UTP20: variants seen among roughly 807,000 people sequenced by gnomAD.
The protein encoded by UTP20 is small subunit processome component 20 homolog.
In UTP20, 164 loss-of-function variants were observed where a neutral mutation model predicts 329.5. The observed-to-expected ratio is 0.50, with a 90% confidence interval of 0.44 to 0.57. The LOEUF (loss-of-function observed/expected upper bound fraction) is 0.57. Ranked by LOEUF, UTP20 falls within the 20% of genes least tolerant of loss-of-function variation. UTP20 has a pLI of 0.00. For synonymous variants in UTP20, 1,151 were observed against 1,159.3 expected, an observed-to-expected ratio of 0.99 and a Z score of 0.14; for missense variants, 3,055 against 3,284.2, an observed-to-expected ratio of 0.93 and a Z score of 1.71.
At chr12:101,375,843 CT>C in intron 56 of UTP20, 87 bp downstream of exon 56, 1 of 803,110 alleles carries the variant, frequency 1.2e-6, no homozygotes, top group Non-Finnish European at 2.0e-6. Flanking sequence ...AATATGAATA[CT>C]TCAGAAAGTA....
chr12:101,338,704 AC>A, intron 30 of UTP20, 108 bp from the exon 31 acceptor site: 1 of 891,446 alleles, frequency 1.1e-6, no homozygotes, highest in Non-Finnish European at 1.6e-6. Flanking sequence ...TTGAAATTTA[AC>A]TTAAATGTTC....
chr12:101,356,555 C>A lies in UTP20; in HGVS notation c.5396C>A (p.Thr1799Asn). 2 of 1,608,866 alleles carry A rather than the reference C, an allele frequency of 1.2e-6. No homozygotes were observed. The highest frequency in any genetic ancestry group is 1.7e-6 in the Non-Finnish European group (2 of 1,177,814). Reference protein sequence around the residue: ...PRLHKCLASTTKREEEHKLVK... With the variant: ...PRLHKCLASTNKREEEHKLVK... ...GCTTAACCTAAATTTTTCTTACAGA[C>A]TAAAAGGGAAGAAGAACACAAGCTT... Residue 1799 changes from threonine (T) to asparagine (N), a missense_variant and splice_region_variant, in exon 42 of 62, where the codon ACT (threonine) becomes AAT (asparagine). Around this residue, in one of 3 missense-constraint regions of UTP20, gnomAD observed 2,445 missense variants for 2,575.5 expected, o/e 0.95. Coordinates refer to ENST00000261637, the MANE Select transcript of UTP20 (RefSeq NM_014503.3).
chr12:101,370,386 A>C (rs909156786), intron 49 of UTP20, 46 bp from the exon 50 acceptor site: 1 of 1,589,518 alleles, frequency 6.3e-7, no homozygotes, highest in Non-Finnish European at 8.6e-7. Flanking sequence ...ACTGGATCCC[A>C]ACTGTGGGAT....
intron 29 of UTP20, among the ~76,000 whole-genome samples, chr12:101,337,298 C>T (rs1868964607): frequency 6.6e-6 from 1 of 152,184 alleles, no homozygotes; most frequent in African/African-American, 2.4e-5. Context: ...TGTTAAAGAG[C>T]TCAAGCTCTT....
Position 101,373,713 on chromosome 12 carries a change from C to G in UTP20, c.7077C>G (p.Leu2359=), listed in dbSNP as rs776363069. The change falls in exon 54 of 62, where the codon CTC becomes CTG. Residue 2359 remains leucine, a synonymous_variant. Transcript: ENST00000261637. ...AGTCCCTACTTGGTAAAATCAGCCT[C>G]GAGAAAAAAGATTGGCTGTTTGATA... The part of the protein sequence containing the change: ...TIKSLLGKIS[L]EKKDWLFDMV... 4.3e-6 allele frequency: 7 copies of G among 1,610,672 alleles called. No homozygotes were observed. The highest frequency in any genetic ancestry group is 3.4e-5 in the Admixed American group (2 of 58,908).
chr12:101,369,956 A>G (rs936545826), intron 49 of UTP20, 65 bp downstream of exon 49: 10 of 1,509,668 alleles, frequency 6.6e-6, no homozygotes, highest in East Asian at 2.3e-5. Flanking sequence ...GCTCGTACCT[A>G]TAATCCCAGC....
intron 51 of UTP20, among the ~76,000 whole-genome samples, chr12:101,371,986 A>T (rs1306593098): frequency 6.6e-6 from 1 of 152,180 alleles, no homozygotes; most frequent in Non-Finnish European, 1.5e-5. Context: ...ATAGGAACTC[A>T]GGGTTGCAGG....
intron 12 of UTP20, among the ~76,000 whole-genome samples, chr12:101,296,338 G>A (rs1872347644): frequency 6.6e-6 from 1 of 152,172 alleles, no homozygotes; most frequent in Non-Finnish European, 1.5e-5. Context: ...TTGGGAGGCC[G>A]AGGAGGGCAG....
chr12:101,334,277 A>G (rs1868862563), intron 28 of UTP20, 148 bp from the exon 29 acceptor site: 1 of 631,846 alleles, frequency 1.6e-6, no homozygotes, highest in South Asian at 2.1e-5. Flanking sequence ...ATCTCTTTAT[A>G]CTTTTTCTTA....
intron 2 of UTP20, among the ~76,000 whole-genome samples, chr12:101,282,413 A>G (rs571972823): frequency 1.6e-4 from 24 of 152,280 alleles, no homozygotes; most frequent in Non-Finnish European, 2.6e-4. Context: ...TGCATGTCAC[A>G]TTCAAGAAAC....
Position 101,373,776 on chromosome 12 carries a change from T to A in UTP20, c.7131+9T>A. On this transcript the variant is annotated intron_variant, in intron 54 of 61. Coordinates refer to ENST00000261637, the MANE Select transcript of UTP20 (RefSeq NM_014503.3). Reference sequence around the variant, plus strand: ...GGTTTGGAGCAAAAAAGGTGTGCGTTGCTTTTAGTCACAGTTCAGTGACAA... The same window carrying A: ...GGTTTGGAGCAAAAAAGGTGTGCGTAGCTTTTAGTCACAGTTCAGTGACAA... The A allele has an allele frequency of 1.2e-6, 2 of 1,608,290 alleles. No individual in the cohort carries two copies. The highest frequency in any genetic ancestry group is 1.7e-6 in the Non-Finnish European group (2 of 1,178,824).
chr12:101,358,898 C>A lies in UTP20; in HGVS notation c.5691+1816C>A, dbSNP rs192254565. Among the ~76,000 whole-genome samples the A allele has an allele frequency of 7.3e-3, 1,107 of 152,226 alleles. 43 individuals carry two copies. The highest frequency in any genetic ancestry group is 0.067 in the Admixed American group (1,025 of 15,284). On this transcript the variant is annotated intron_variant, in intron 43 of 61. Transcript: ENST00000261637. Reference sequence around the variant, plus strand: ...TATTCAATTTGTTGTCCCCCTCTTACTAATATGCTGTTTTTCTCAGGCTGC... The same window carrying A: ...TATTCAATTTGTTGTCCCCCTCTTAATAATATGCTGTTTTTCTCAGGCTGC...
chr12:101,290,318 A>G, intron 7 of UTP20, 44 bp downstream of exon 7: 1 of 1,542,780 alleles, frequency 6.5e-7, no homozygotes, highest in Non-Finnish European at 8.7e-7. Context: ...TGGATGGATG[A>G]AACAGAAAGT....
rs1168037531 is a variant in UTP20, at chr12:101,306,072, G to A, written c.1932+7G>A. On this transcript the variant is annotated splice_region_variant and intron_variant, in intron 16 of 61. Transcript: ENST00000261637. ...TTCAACTGGTGTATCCAAGGTAATG[G>A]TGTTTTGTGGTAGTGTGTCCTCAGT... is the stretch of plus-strand genomic sequence containing the variant. 1 of 1,607,448 alleles carries A rather than the reference G, an allele frequency of 6.2e-7. No individual in the cohort carries two copies. The highest frequency in any genetic ancestry group is 8.5e-7 in the Non-Finnish European group (1 of 1,176,068).
chr12:101,350,386 G>A (rs1869477594), intron 38 of UTP20, among the ~76,000 whole-genome samples: 1 of 152,086 alleles, frequency 6.6e-6, no homozygotes, highest in Non-Finnish European at 1.5e-5. Flanking sequence ...GCCCAGGCTA[G>A]TCTCAAGTGA....
intron 59 of UTP20, 73 bp from the exon 60 acceptor site, chr12:101,383,470 C>A: frequency 6.4e-7 from 1 of 1,554,348 alleles, no homozygotes; most frequent in South Asian, 1.2e-5. Context: ...CCTGTTTTCT[C>A]AATTAATGCT....
At chr12:101,289,408 T>TAAC (rs1336329369) in intron 6 of UTP20, among the ~76,000 whole-genome samples, 3 of 145,924 alleles carry the variant, frequency 2.1e-5, no homozygotes, top group Non-Finnish European at 4.4e-5. Context: ...CACACACTAG[T>TAAC]AATAATAATA....
In UTP20 at chr12:101,317,596, T is replaced by A; in HGVS notation, c.2671T>A (p.Leu891Met). The change falls in exon 22 of 62, where the codon TTG becomes ATG. Residue 891 changes from leucine (L) to methionine (M), a missense_variant. Coordinates refer to ENST00000261637, the MANE Select transcript of UTP20 (RefSeq NM_014503.3). ...EEPAAGDDEE[L>M]EEEAVPQDES... The stretch of plus-strand genomic sequence containing the variant: ...ACCTGCCGCAGGAGATGATGAAGAG[T>A]TGGAGGAAGAGGCAGTGCCCCAAGA... 6.2e-7 allele frequency: 1 copy of A among 1,613,798 alleles called. No homozygotes were observed. Among genetic ancestry groups the A allele is most frequent in the East Asian group, 2.2e-5 (1 of 44,852 alleles).
chr12:101,313,637 C>T (rs187944160), intron 21 of UTP20, among the ~76,000 whole-genome samples: 9 of 151,620 alleles, frequency 5.9e-5, no homozygotes, highest in African/African-American at 1.5e-4. Context: ...GATTTCAATT[C>T]GATAAGATAA....
Sources: gnomAD v4.1 joint callset for allele counts (sites outside exome capture counted in the v4.1 genomes callset) on GRCh38, gnomAD v4.1.1 for gene constraint, gnomAD v4.1.1 regional missense constraint, MANE v1.5 for transcripts, NCBI Gene and HGNC (gene_info 2026-07-23, HGNC 2026-07-21) for gene names.